STIM2: variants seen among roughly 807,000 people sequenced by gnomAD.
The protein encoded by STIM2 is stromal interaction molecule 2.
A neutral mutation model predicts 85.8 loss-of-function variants in STIM2; 31 were observed. The ratio of observed to expected loss-of-function variants is 0.36; its 90% confidence interval spans 0.27 to 0.49. The LOEUF is 0.49. Among genes scored for constraint, STIM2 ranks in the 20% least tolerant of loss-of-function variants. STIM2 has a pLI of 0.98. For synonymous variants in STIM2, 356 were observed against 331.1 expected, an observed-to-expected ratio of 1.08 and a Z score of -0.82; for missense variants, 841 against 927.6, an observed-to-expected ratio of 0.91 and a Z score of 1.21.
chr4:27,008,672 A>G (rs1728456999), intron 9 of STIM2, 92 bp from the exon 10 acceptor site: 1 of 1,259,502 alleles, frequency 7.9e-7, no homozygotes, highest in South Asian at 1.4e-5. Flanking sequence ...GAAATTAGTT[A>G]ATTGCCATGG....
intron 2 of STIM2, among the ~76,000 whole-genome samples, chr4:26,941,896 TATTA>T (rs1334784716): frequency 2.0e-5 from 3 of 152,146 alleles, no homozygotes; most frequent in East Asian, 1.9e-4. Context: ...CACTCAATTG[TATTA>T]ATTGAGATTT....
At chr4:26,973,371 C>T (rs557268718) in intron 3 of STIM2, among the ~76,000 whole-genome samples, 1 of 152,262 alleles carries the variant, frequency 6.6e-6, no homozygotes, top group Admixed American at 6.5e-5. Context: ...CTCTTGTGGG[C>T]ATTTAGTGCT....
At chr4:26,971,735 T>C (rs1726962881) in intron 3 of STIM2, among the ~76,000 whole-genome samples, 1 of 152,214 alleles carries the variant, frequency 6.6e-6, no homozygotes, top group Non-Finnish European at 1.5e-5. Context: ...GGGCTCTTTT[T>C]TGGTTCCATA....
chr4:26,995,459 G>C lies in STIM2; in HGVS notation c.478G>C (p.Asp160His), dbSNP rs1369641381. The change falls in exon 4 of 12, where the codon GAC becomes CAC. Residue 160 changes from aspartate (D) to histidine (H), a missense_variant. Physicochemically the swap from Asp to His is moderately conservative, Grantham distance 81. Transcript: ENST00000467087. ...ACCCCAATATGAGAAGAATTTTAGA[G>C]ACAACAATGTCAAAGGAACGACACT... 4 of 1,601,340 alleles carry C rather than the reference G, an allele frequency of 2.5e-6. No individual in the cohort carries two copies. The highest frequency in any genetic ancestry group is 3.4e-6 in the Non-Finnish European group (4 of 1,174,290).
At chr4:26,981,546 A>G (rs1423525654) in intron 3 of STIM2, among the ~76,000 whole-genome samples, 1 of 152,168 alleles carries the variant, frequency 6.6e-6, no homozygotes, top group Non-Finnish European at 1.5e-5. Context: ...CACTGTGTCT[A>G]GATACCCTCC....
chr4:26,882,498 C>T (rs1028242536), intron 1 of STIM2, among the ~76,000 whole-genome samples: 15 of 151,504 alleles, frequency 9.9e-5, no homozygotes, highest in Non-Finnish European at 4.4e-5. Flanking sequence ...GGCTCTGTCA[C>T]TCAGGCTGGA....
intron 1 of STIM2, among the ~76,000 whole-genome samples, chr4:26,905,536 A>G (rs1724091735): frequency 6.6e-6 from 1 of 152,180 alleles, no homozygotes; most frequent in Non-Finnish European, 1.5e-5. Context: ...AGAATAATCA[A>G]GAAAGAGTGT....
Position 27,008,382 on chromosome 4 carries a change from G to A in STIM2, c.1150-46G>A, listed in dbSNP as rs761723685. 4.2e-6 allele frequency: 5 copies of A among 1,192,304 alleles called. No individual in the cohort carries two copies. The South Asian group carries it at 6.3e-5, about 15-fold the overall frequency. 73.9% of individuals were successfully genotyped at this position (1,192,304 alleles called of 1,614,324 possible). The stretch of plus-strand genomic sequence containing the variant: ...TTATGTTATATATACAAAAATGTCT[G>A]TATTTTTTTCAAACCTAGCCTTATT... On this transcript the variant is annotated intron_variant, in intron 8 of 11. Transcript: ENST00000467087.
chr4:26,981,250 G>A (rs1476193606), intron 3 of STIM2, among the ~76,000 whole-genome samples: 1 of 152,172 alleles, frequency 6.6e-6, no homozygotes, highest in Non-Finnish European at 1.5e-5. Context: ...TTAGAGGGTT[G>A]TGCTGAGGAT....
chr4:26,950,538 G>A (rs558015797), intron 2 of STIM2, among the ~76,000 whole-genome samples: 1 of 152,256 alleles, frequency 6.6e-6, no homozygotes, highest in Admixed American at 6.5e-5. Context: ...AATAAAAAGG[G>A]CCTGTGGGAG....
chr4:26,957,585 TTTAAC>T (rs749232811), intron 2 of STIM2, 22 bp from the exon 3 acceptor site: 6 of 1,268,604 alleles, frequency 4.7e-6, no homozygotes, highest in Non-Finnish European at 5.4e-6. Context: ...TGAATTTATA[TTTAAC>T]TTAATGTTTT....
chr4:26,968,059 T>C (rs1359148972), intron 3 of STIM2, among the ~76,000 whole-genome samples: 1 of 152,068 alleles, frequency 6.6e-6, no homozygotes, highest in Admixed American at 6.6e-5. Flanking sequence ...TGGTCCCTGC[T>C]ACACAGGAGG....
chr4:26,885,889 A>G lies in STIM2; in HGVS notation c.151+24520A>G, dbSNP rs760438063. On this transcript the variant is annotated intron_variant, in intron 1 of 11. Coordinates refer to ENST00000467087, the MANE Select transcript of STIM2 (RefSeq NM_020860.4). ...TATATATATATGTATATGTCTATTC[A>G]TGTAAATATGCAGTGTTGATTTATC... 2.2e-3 allele frequency among the ~76,000 whole-genome samples: 291 copies of G among 135,294 alleles called. 6 individuals are homozygous for G. Among genetic ancestry groups the G allele is most frequent in the Admixed American group, 3.5e-3 (46 of 13,190 alleles). The allele number at this position is 135,294 out of a possible 152,430, so 88.8% of individuals were successfully genotyped here.
At position 26,860,865 on chromosome 4, in the gene STIM2, G is replaced by A; in HGVS notation, c.-354G>A. ...CAGAGCAGCGGATCCCGGTCTCGCC[G>A]CAGCAGCAGCGCGGGTGTCGTGCAC... On this transcript the variant is annotated 5_prime_UTR_variant, in exon 1 of 12. Coordinates refer to ENST00000467087, the MANE Select transcript of STIM2 (RefSeq NM_020860.4). 2.3e-6 allele frequency: 2 copies of A among 861,192 alleles called. No individual in the cohort carries two copies. Among genetic ancestry groups the A allele is most frequent in the East Asian group, 1.2e-4 (1 of 8,402 alleles). The allele number at this position is 861,192 out of a possible 1,614,324, so 53.3% of individuals were successfully genotyped here. A position where few individuals can be genotyped will look rare whatever the true frequency, so the allele number is the denominator to read the frequency against.
At chr4:26,862,063 A>G (rs1722231676) in intron 1 of STIM2, among the ~76,000 whole-genome samples, 1 of 152,220 alleles carries the variant, frequency 6.6e-6, no homozygotes, top group African/African-American at 2.4e-5. Context: ...TAAAATTTGC[A>G]AAGTGCAGCA....
chr4:26,896,152 G>C (rs537425075), intron 1 of STIM2, among the ~76,000 whole-genome samples: 91 of 152,332 alleles, frequency 6.0e-4, no homozygotes, highest in African/African-American at 2.1e-3. Context: ...GGAATAGCCT[G>C]TTGTTGCCTG....
chr4:26,874,549 C>T (rs983386978), intron 1 of STIM2, among the ~76,000 whole-genome samples: 9 of 152,144 alleles, frequency 5.9e-5, no homozygotes, highest in African/African-American at 1.7e-4. Flanking sequence ...TAATATATTA[C>T]TCATTTTGCT....
At chr4:26,988,959 G>A in intron 3 of STIM2, among the ~76,000 whole-genome samples, 1 of 152,140 alleles carries the variant, frequency 6.6e-6, no homozygotes, top group East Asian at 1.9e-4. Context: ...GTGGGGGACG[G>A]AGTCTCACTC....
At chr4:26,927,446 C>T (rs1371380144) in intron 2 of STIM2, among the ~76,000 whole-genome samples, 1 of 30,798 alleles carries the variant, frequency 3.2e-5, no homozygotes, top group Non-Finnish European at 6.5e-5. Flanking sequence ...AACCAAACAC[C>T]GCATATTCTC....
Sources: allele counts gnomAD v4.1 joint callset (sites outside exome capture counted in the v4.1 genomes callset), GRCh38; gene constraint gnomAD v4.1.1; transcripts MANE v1.5; gene names NCBI Gene and HGNC (gene_info 2026-07-23, HGNC 2026-07-21).